NKAIN2: variants seen among roughly 807,000 people sequenced by gnomAD.
The protein encoded by NKAIN2 is sodium/potassium-transporting ATPase subunit beta-1-interacting protein 2.
NKAIN2 carries 14 observed loss-of-function variants against 32.6 expected under a neutral mutation model. That is an observed-to-expected ratio of 0.43 (90% confidence interval 0.28 to 0.67). The LOEUF is 0.67. NKAIN2 is among the 30% of genes least tolerant of loss of function. NKAIN2 has a pLI of 0.17. For missense variants in NKAIN2, 198 were observed against 258.3 expected (o/e 0.77, Z 1.60); for synonymous variants, 80 against 87.2 (o/e 0.92, Z 0.46).
chr6:124,416,135 C>A (rs1774476465), intron 3 of NKAIN2, among the ~76,000 whole-genome samples: 1 of 151,972 alleles, frequency 6.6e-6, no homozygotes, highest in African/African-American at 2.4e-5. Context: ...TAAGAAAACC[C>A]TGAAAGGCCA....
chr6:123,838,425 A>G (rs1224100974), intron 1 of NKAIN2, among the ~76,000 whole-genome samples: 2 of 152,158 alleles, frequency 1.3e-5, no homozygotes, highest in Admixed American at 1.3e-4. Flanking sequence ...TTGCTGATCA[A>G]GAGAGCAATA....
At chr6:124,353,557 A>G (rs1005528974) in intron 2 of NKAIN2, among the ~76,000 whole-genome samples, 2 of 152,164 alleles carry the variant, frequency 1.3e-5, no homozygotes, top group African/African-American at 4.8e-5. Flanking sequence ...GATCGAGACC[A>G]TCCTGGCTAA....
At chr6:124,641,508 C>T (rs1783985678) in intron 3 of NKAIN2, among the ~76,000 whole-genome samples, 1 of 79,712 alleles carries the variant, frequency 1.3e-5, no homozygotes, top group African/African-American at 4.2e-5. Flanking sequence ...AGAAGAAATA[C>T]ATTTTGTTGT....
intron 2 of NKAIN2, among the ~76,000 whole-genome samples, chr6:124,347,819 C>T (rs1798508270): frequency 6.6e-6 from 1 of 152,204 alleles, no homozygotes; most frequent in African/African-American, 2.4e-5. Flanking sequence ...TCATCTGAAG[C>T]CTTCTTCTCT....
chr6:124,481,164 G>T, intron 3 of NKAIN2, among the ~76,000 whole-genome samples: 1 of 137,200 alleles, frequency 7.3e-6, no homozygotes, highest in Non-Finnish European at 1.5e-5. Flanking sequence ...TGGCAGGTTA[G>T]AGTTACTTTT....
At chr6:124,499,907 G>A (rs943539741) in intron 3 of NKAIN2, among the ~76,000 whole-genome samples, 1 of 152,204 alleles carries the variant, frequency 6.6e-6, no homozygotes, top group Non-Finnish European at 1.5e-5. Flanking sequence ...CAGAGGCTGA[G>A]TGTCTTTATG....
chr6:124,345,064 G>A (rs1419412648), intron 2 of NKAIN2, among the ~76,000 whole-genome samples: 2 of 152,102 alleles, frequency 1.3e-5, no homozygotes, highest in African/African-American at 2.4e-5. Flanking sequence ...TTTTGTCAAA[G>A]GCCTTTTCTG....
In NKAIN2 at chr6:124,482,238, G is replaced by A. The variant is rs149684532; in HGVS notation, c.273+126891G>A. ...AGACTGAGCTACTCTAACATTCTTTGTGAGCCTAATTGAAACTGATTGTGG... is the reference window on the plus strand; with the variant it reads ...AGACTGAGCTACTCTAACATTCTTTATGAGCCTAATTGAAACTGATTGTGG... On this transcript the variant is annotated intron_variant, in intron 3 of 6. Transcript: ENST00000368417. 2.5e-3 allele frequency among the ~76,000 whole-genome samples: 378 copies of A among 152,192 alleles called. 2 individuals carry two copies. The highest frequency in any genetic ancestry group is 7.6e-3 in the African/African-American group (315 of 41,544).
At chr6:124,518,734 CA>C (rs1382587535) in intron 3 of NKAIN2, among the ~76,000 whole-genome samples, 2 of 152,170 alleles carry the variant, frequency 1.3e-5, no homozygotes, top group Non-Finnish European at 1.5e-5. Context: ...AGTTACAACA[CA>C]AATGAGATTA....
In NKAIN2 at chr6:124,136,084, G is replaced by A. The variant is rs1425715580; in HGVS notation, c.55-146921G>A. Among the ~76,000 whole-genome samples the A allele has an allele frequency of 2.6e-5, 4 of 151,880 alleles. No individual in the cohort carries two copies. In the East Asian group the frequency reaches 5.8e-4, roughly 22 times the overall value. On this transcript the variant is annotated intron_variant, in intron 1 of 6. Transcript: ENST00000368417. Reference sequence around the variant, plus strand: ...AAAAAACACAAAAGATAAATGAAACGAAAAGATGTTTATTTGAAAAGATAA... The same window carrying A: ...AAAAAACACAAAAGATAAATGAAACAAAAAGATGTTTATTTGAAAAGATAA...
intron 1 of NKAIN2, among the ~76,000 whole-genome samples, chr6:124,246,681 G>T (rs1185395182): frequency 6.6e-6 from 1 of 151,954 alleles, no homozygotes; most frequent in Non-Finnish European, 1.5e-5. Flanking sequence ...ACAACCTATT[G>T]GGAGATGGAC....
intron 3 of NKAIN2, among the ~76,000 whole-genome samples, chr6:124,531,430 C>G (rs561409760): frequency 3.9e-5 from 6 of 152,210 alleles, no homozygotes; most frequent in African/African-American, 1.4e-4. Context: ...TTTTAATGTA[C>G]TATTTAATTC....
intron 3 of NKAIN2, among the ~76,000 whole-genome samples, chr6:124,436,661 A>G (rs1354599031): frequency 6.6e-6 from 1 of 152,084 alleles, no homozygotes; most frequent in Non-Finnish European, 1.5e-5. Flanking sequence ...TCCTCAGGGT[A>G]CACCCGGAAT....
At chr6:124,356,112 T>C (rs997141123) in intron 3 of NKAIN2, among the ~76,000 whole-genome samples, 195 of 152,316 alleles carry the variant, frequency 1.3e-3, no homozygotes, top group African/African-American at 4.4e-3. Flanking sequence ...AATTGTAAAA[T>C]GTTCTTTTAC....
intron 1 of NKAIN2, among the ~76,000 whole-genome samples, chr6:124,111,218 T>C (rs540096764): frequency 2.2e-4 from 34 of 152,170 alleles, no homozygotes; most frequent in African/African-American, 7.7e-4. Context: ...AAATGTCAGG[T>C]CCATTTTTTC....
In NKAIN2 at chr6:124,823,205, T is replaced by TG; in HGVS notation, c.618-15_618-14insG. On this transcript the variant is annotated splice_polypyrimidine_tract_variant and intron_variant, in intron 6 of 6. Coordinates refer to ENST00000368417, the MANE Select transcript of NKAIN2 (RefSeq NM_001040214.3). ...ACTTTCCCCCTTGACTAAAAACATC[T>TG]TTTCTCTCTCTCAGGTCAAAATAAT... 1 of 1,572,694 alleles carries TG rather than the reference T, an allele frequency of 6.4e-7. No individual in the cohort carries two copies. Among genetic ancestry groups the TG allele is most frequent in the Non-Finnish European group, 8.8e-7 (1 of 1,141,480 alleles).
chr6:124,403,510 C>T (rs332604), intron 3 of NKAIN2, among the ~76,000 whole-genome samples: 104,279 of 152,070 alleles, frequency 0.69, 36,815 homozygotes, highest in South Asian at 0.8. Context: ...TAGTCAATCA[C>T]ATTTAAGCAG....
chr6:124,731,389 A>G (rs1462006357), intron 4 of NKAIN2, among the ~76,000 whole-genome samples: 1 of 151,668 alleles, frequency 6.6e-6, no homozygotes, highest in African/African-American at 2.4e-5. Flanking sequence ...ATAAAAAATG[A>G]TGAGTTCATG....
intron 2 of NKAIN2, among the ~76,000 whole-genome samples, chr6:124,331,277 G>A (rs944474242): frequency 2.0e-4 from 29 of 143,598 alleles, no homozygotes; most frequent in Admixed American, 1.1e-3. Flanking sequence ...TGAGGCAGGC[G>A]TATCACGAGG....
Sources: gnomAD v4.1 joint callset for allele counts (sites outside exome capture counted in the v4.1 genomes callset) on GRCh38, gnomAD v4.1.1 for gene constraint, MANE v1.5 for transcripts, NCBI Gene and HGNC (gene_info 2026-07-23, HGNC 2026-07-21) for gene names.